PCDHA8: variants seen among roughly 807,000 people sequenced by gnomAD.
PCDHA8 encodes the protein protocadherin alpha-8.
In PCDHA8, 53 loss-of-function variants were observed where a neutral mutation model predicts 61.8. The ratio of observed to expected loss-of-function variants is 0.86; its 90% CI spans 0.69 to 1.08. The LOEUF is 1.08. PCDHA8 is among the 50% of genes least tolerant of loss of function. The probability of loss-of-function intolerance (pLI) is 0.00; values close to 1 mark genes in which losing one functional copy is unlikely to be tolerated. For synonymous variants in PCDHA8, 618 were observed against 556.6 expected, an observed-to-expected ratio of 1.11 and a Z score of -1.55; for missense variants, 1,293 against 1,245.0, an observed-to-expected ratio of 1.04 and a Z score of -0.58.
Position 140,937,138 on chromosome 5 carries a change from T to C in PCDHA8, c.2395-41811T>C, listed in dbSNP as rs368450201. On this transcript the variant is annotated intron_variant, in intron 1 of 3. Coordinates refer to ENST00000531613, the MANE Select transcript of PCDHA8 (RefSeq NM_018911.3). ...CTGCAAGCTCCGCCTCCCGGGTTCA[T>C]GCCATTCTCCTGCCTCAGCCTCCCG... is the stretch of plus-strand genomic sequence containing the variant. 1.7e-4 allele frequency among the ~76,000 whole-genome samples: 25 copies of C among 151,290 alleles called. 1 individual carries two copies. In the South Asian group the frequency reaches 2.7e-3, roughly 16 times the overall value.
chr5:140,850,053 C>T, intron 1 of PCDHA8: 4 of 1,596,534 alleles, frequency 2.5e-6, no homozygotes, highest in Non-Finnish European at 3.4e-6. Context: ...GGTGTACGCG[C>T]TGCAGCCGTT....
At chr5:140,894,365 A>G (rs1375287003) in intron 1 of PCDHA8, among the ~76,000 whole-genome samples, 4 of 151,966 alleles carry the variant, frequency 2.6e-5, no homozygotes, top group African/African-American at 7.2e-5. Context: ...TTCTTCTTCA[A>G]TGGCTCCAAT....
Position 140,973,027 on chromosome 5 carries a change from T to C in PCDHA8, c.2395-5922T>C, listed in dbSNP as rs373487044. On this transcript the variant is annotated intron_variant, in intron 1 of 3. Coordinates refer to ENST00000531613, the MANE Select transcript of PCDHA8 (RefSeq NM_018911.3). ...TCGTGGTGTTGTGATTGTTAATGAG[T>C]CACTTTGAGTACTCTAGTAGATTTG... Among the ~76,000 whole-genome samples the C allele has an allele frequency of 2.6e-5, 4 of 152,042 alleles. No individual in the cohort carries two copies. The East Asian group carries it at 5.8e-4, about 22-fold the overall frequency.
chr5:141,003,511 C>T (rs2098128112), intron 3 of PCDHA8, among the ~76,000 whole-genome samples: 2 of 152,114 alleles, frequency 1.3e-5, no homozygotes, highest in African/African-American at 4.8e-5. Flanking sequence ...TGGGGTTTCA[C>T]CATGTTCCCT....
At chr5:140,925,505 C>T (rs528944783) in intron 1 of PCDHA8, among the ~76,000 whole-genome samples, 5 of 151,936 alleles carry the variant, frequency 3.3e-5, no homozygotes, top group African/African-American at 4.8e-5. Context: ...CCAATATCCA[C>T]GCAAAAGACC....
Position 140,843,208 on chromosome 5 carries a change from C to A in PCDHA8, c.1887C>A (p.Gly629=). 1 of 1,596,004 alleles carries A rather than the reference C, an allele frequency of 6.3e-7. No individual in the cohort carries two copies. Among genetic ancestry groups the A allele is most frequent in the South Asian group, 1.1e-5 (1 of 90,498 alleles). ...CGTTCCGCGTGGGGCTGTACACGGGCGAGATCAGCACCACTCGTGTCCTGG... is the reference window on the plus strand; with the variant it reads ...CGTTCCGCGTGGGGCTGTACACGGGAGAGATCAGCACCACTCGTGTCCTGG... ...RIPFRVGLYT[G]EISTTRVLDE... The change falls in exon 1 of 4, where the codon GGC becomes GGA. Residue 629 remains glycine, a synonymous_variant. Transcript: ENST00000531613.
At chr5:140,920,825 G>A (rs557360536) in intron 1 of PCDHA8, among the ~76,000 whole-genome samples, 12 of 150,152 alleles carry the variant, frequency 8.0e-5, no homozygotes, top group African/African-American at 2.4e-4. Context: ...GCCTGGCGAC[G>A]GAGCAAGACC....
chr5:140,877,994 G>A lies in PCDHA8; in HGVS notation c.2394+34279G>A, dbSNP rs1349448705. On this transcript the variant is annotated intron_variant, in intron 1 of 3. Coordinates refer to ENST00000531613, the MANE Select transcript of PCDHA8 (RefSeq NM_018911.3). Reference sequence around the variant, plus strand: ...ATTCTTACTCATTTTGAACTTTTATGTATTTGTCTAACATTAATGAAGGAA... The same window carrying A: ...ATTCTTACTCATTTTGAACTTTTATATATTTGTCTAACATTAATGAAGGAA... The A allele has an allele frequency of 8.3e-6, 9 of 1,078,340 alleles. No homozygotes were observed. The Admixed American group carries it at 1.0e-4, about 12-fold the overall frequency. 66.8% of individuals were successfully genotyped at this position (1,078,340 alleles called of 1,614,324 possible). A position where few individuals can be genotyped will look rare whatever the true frequency, so the allele number is the denominator to read the frequency against.
At chr5:140,853,228 T>C (rs2042677094) in intron 1 of PCDHA8, 2 of 982,222 alleles carry the variant, frequency 2.0e-6, no homozygotes, top group Non-Finnish European at 2.5e-6. Flanking sequence ...ATTGGTAATT[T>C]AGTCCTTCAT....
intron 1 of PCDHA8, among the ~76,000 whole-genome samples, chr5:140,933,619 T>C (rs2089273151): frequency 2.6e-5 from 4 of 152,058 alleles, no homozygotes; most frequent in Non-Finnish European, 2.9e-5. Flanking sequence ...TCTTATTAGG[T>C]TAGGCTGGCC....
rs782444703 is a variant in PCDHA8 at position 140,856,052 on chromosome 5, G to T, written c.2394+12337G>T. 12 of 1,585,178 alleles carry T rather than the reference G, an allele frequency of 7.6e-6. No individual in the cohort carries two copies. In the East Asian group the frequency reaches 2.5e-4, roughly 32 times the overall value. On this transcript the variant is annotated intron_variant, in intron 1 of 3. Transcript: ENST00000531613. The stretch of plus-strand genomic sequence containing the variant: ...TGTAAAACAAGAGAAGGATAAGATG[G>T]TTTCCAGATGTAGCTGCCTGGGGGT...
At chr5:140,915,362 A>C (rs2077085780) in intron 1 of PCDHA8, among the ~76,000 whole-genome samples, 2 of 152,274 alleles carry the variant, frequency 1.3e-5, no homozygotes, top group East Asian at 3.9e-4. Flanking sequence ...TATTCTTACC[A>C]GTAAGTGTCT....
At chr5:140,935,178 G>C (rs2090229039) in intron 1 of PCDHA8, among the ~76,000 whole-genome samples, 2 of 152,146 alleles carry the variant, frequency 1.3e-5, no homozygotes, top group African/African-American at 4.8e-5. Context: ...GCTTATTGCT[G>C]CTGGGTCAGT....
At chr5:140,944,642 T>C (rs535941591) in intron 1 of PCDHA8, among the ~76,000 whole-genome samples, 35 of 152,342 alleles carry the variant, frequency 2.3e-4, no homozygotes, top group African/African-American at 7.9e-4. Context: ...CCAGTGTGGA[T>C]TGGGAGTCCA....
At chr5:141,000,417 A>ATTTTT (rs1563652061) in intron 3 of PCDHA8, among the ~76,000 whole-genome samples, 3 of 77,750 alleles carry the variant, frequency 3.9e-5, no homozygotes, top group Non-Finnish European at 7.0e-5. Flanking sequence ...ATATATATAT[A>ATTTTT]TATATTTTTT....
At chr5:140,927,925 C>G in intron 1 of PCDHA8, 4 of 1,614,214 alleles carry the variant, frequency 2.5e-6, no homozygotes, top group Non-Finnish European at 8.5e-7. Flanking sequence ...CTTCCTGACT[C>G]TTTCGAACCC....
intron 1 of PCDHA8, among the ~76,000 whole-genome samples, chr5:140,914,956 T>C (rs2076915145): frequency 6.6e-6 from 1 of 150,718 alleles, no homozygotes; most frequent in African/African-American, 2.4e-5. Flanking sequence ...TTTTTTTTTT[T>C]TTTTTTCTGA....
At chr5:140,956,057 T>C (rs2095252530) in intron 1 of PCDHA8, among the ~76,000 whole-genome samples, 1 of 152,308 alleles carries the variant, frequency 6.6e-6, no homozygotes, top group South Asian at 2.1e-4. Flanking sequence ...GCTGAGACAA[T>C]GGGGTTTTCC....
intron 1 of PCDHA8, among the ~76,000 whole-genome samples, chr5:140,941,439 G>A (rs187782763): frequency 1.3e-5 from 2 of 149,420 alleles, no homozygotes; most frequent in East Asian, 2.0e-4. Context: ...CCTCAGCCTC[G>A]GGAGTAGCTG....
Sources: allele counts gnomAD v4.1 joint callset (sites outside exome capture counted in the v4.1 genomes callset), GRCh38; gene constraint gnomAD v4.1.1; transcripts MANE v1.5; gene names NCBI Gene and HGNC (gene_info 2026-07-23, HGNC 2026-07-21).